Variants in PLB1 observed in about 807,000 individuals in gnomAD.
PLB1 encodes the protein phospholipase B1, also known as phospholipase B1, membrane-associated.
In PLB1, 242 loss-of-function variants were observed where a neutral mutation model predicts 227.4. That is an observed-to-expected ratio of 1.06 (90% CI 0.96 to 1.18). The LOEUF is 1.18. PLB1 is among the 50% of genes most tolerant of loss of function. PLB1 has a pLI of 0.00. For synonymous variants in PLB1, 757 were observed against 682.2 expected (o/e 1.11, Z -1.71); for missense variants, 1,858 against 1,816.3 (o/e 1.02, Z -0.42).
intron 57 of PLB1, among the ~76,000 whole-genome samples, chr2:28,641,292 C>T (rs2148354578): frequency 6.6e-6 from 1 of 152,308 alleles, no homozygotes; most frequent in African/African-American, 2.4e-5. Flanking sequence ...CTTCCGAAAG[C>T]TCTGATGCAT....
chr2:28,511,803 G>C (rs1360391053), intron 1 of PLB1, among the ~76,000 whole-genome samples: 1 of 90,478 alleles, frequency 1.1e-5, no homozygotes, highest in Non-Finnish European at 2.4e-5. Context: ...TTTTTTTTTT[G>C]AGATGGAGTT....
In PLB1 at chr2:28,589,534, G is replaced by T. The variant is rs142077640; in HGVS notation, c.1900G>T (p.Val634Leu). The T allele has an allele frequency of 1.2e-6, 2 of 1,614,072 alleles. No homozygotes were observed. Among genetic ancestry groups the T allele is most frequent in the Non-Finnish European group, 1.7e-6 (2 of 1,180,024 alleles). Residue 634 changes from valine to leucine, a missense_variant, in exon 27 of 58, where the codon GTG (valine) becomes TTG (leucine). Physicochemically the swap from Val to Leu is conservative, Grantham distance 32. Coordinates refer to ENST00000327757, the MANE Select transcript of PLB1 (RefSeq NM_153021.5). ...GGTTGTGCAGCCGTTCTTTGAAAACGTGGACATGCCAAAGACCTCGGTAAA... is the reference window on the plus strand; with the variant it reads ...GGTTGTGCAGCCGTTCTTTGAAAACTTGGACATGCCAAAGACCTCGGTAAA... Reference protein sequence around the residue: ...TVVVQPFFENVDMPKTSEGLP... With the variant: ...TVVVQPFFENLDMPKTSEGLP...
At chr2:28,528,748 C>T (rs553103364) in intron 6 of PLB1, among the ~76,000 whole-genome samples, 1 of 152,242 alleles carries the variant, frequency 6.6e-6, no homozygotes. Context: ...GCGCTTAGGA[C>T]TGGGCCTGGC....
chr2:28,525,232 C>G (rs1276492539), intron 4 of PLB1, 35 bp from the exon 5 acceptor site: 16 of 1,608,058 alleles, frequency 9.9e-6, no homozygotes, highest in Non-Finnish European at 1.4e-5. Flanking sequence ...TGCCACCTCC[C>G]CTGGCTGGGT....
intron 20 of PLB1, among the ~76,000 whole-genome samples, chr2:28,569,182 C>T (rs866157456): frequency 2.0e-5 from 3 of 152,168 alleles, no homozygotes; most frequent in African/African-American, 4.8e-5. Context: ...TTCTTTCTCA[C>T]ATCCTAGCAG....
At chr2:28,580,127 G>C (rs1019883228) in intron 23 of PLB1, among the ~76,000 whole-genome samples, 1 of 152,204 alleles carries the variant, frequency 6.6e-6, no homozygotes, top group African/African-American at 2.4e-5. Context: ...AAGCTTCAGA[G>C]CCAAGTCATT....
At chr2:28,604,898 C>T in intron 41 of PLB1, 139 bp downstream of exon 41, 1 of 744,770 alleles carries the variant, frequency 1.3e-6, no homozygotes, top group Non-Finnish European at 2.2e-6. Context: ...TGCAGGCTCC[C>T]TGAACGCCTG....
intron 32 of PLB1, among the ~76,000 whole-genome samples, chr2:28,593,418 T>G (rs1271097962): frequency 6.6e-6 from 1 of 152,216 alleles, no homozygotes; most frequent in African/African-American, 2.4e-5. Context: ...TTTTTACAAC[T>G]GTAATCCAAT....
chr2:28,553,032 G>T (rs1320088175), intron 17 of PLB1, 41 bp downstream of exon 17: 2 of 1,562,932 alleles, frequency 1.3e-6, no homozygotes, highest in Non-Finnish European at 1.8e-6. Context: ...TTCATTCGAG[G>T]CCTGAAATCA....
At chr2:28,586,397 A>G (rs1207361604) in intron 26 of PLB1, among the ~76,000 whole-genome samples, 1 of 152,196 alleles carries the variant, frequency 6.6e-6, no homozygotes, top group Admixed American at 6.5e-5. Context: ...TGAGTTGTTC[A>G]TTTTAGTCCT....
intron 14 of PLB1, among the ~76,000 whole-genome samples, chr2:28,544,330 C>G (rs2148212890): frequency 6.6e-6 from 1 of 152,360 alleles, no homozygotes; most frequent in African/African-American, 2.4e-5. Flanking sequence ...AGAAGAGGAA[C>G]CTGGCCCCTC....
intron 12 of PLB1, among the ~76,000 whole-genome samples, chr2:28,541,262 C>T (rs944363326): frequency 1.3e-5 from 2 of 152,174 alleles, no homozygotes; most frequent in African/African-American, 4.8e-5. Context: ...GCTCAAAGCA[C>T]GGTTTCTGTT....
intron 14 of PLB1, among the ~76,000 whole-genome samples, chr2:28,547,332 G>A (rs998529423): frequency 6.6e-6 from 1 of 152,052 alleles, no homozygotes; most frequent in Non-Finnish European, 1.5e-5. Flanking sequence ...GTGGGACCTT[G>A]TTTCTAGGAG....
At chr2:28,566,640 G>T in intron 19 of PLB1, 156 bp from the exon 20 acceptor site, 21 of 728,368 alleles carry the variant, frequency 2.9e-5, no homozygotes, top group Non-Finnish European at 4.0e-5. Context: ...ATTCTGGTTT[G>T]CTTTTTCCGT....
chr2:28,633,096 C>G, intron 56 of PLB1, 57 bp downstream of exon 56: 1 of 1,448,190 alleles, frequency 6.9e-7, no homozygotes, highest in Non-Finnish European at 9.7e-7. Context: ...GATATTGACA[C>G]TCTGTCTCAC....
At position 28,566,256 on chromosome 2, in the gene PLB1, G is replaced by GT. The variant is rs397871469; in HGVS notation, c.1281-539dup. On this transcript the variant is annotated intron_variant, in intron 19 of 57. Coordinates refer to ENST00000327757, the MANE Select transcript of PLB1 (RefSeq NM_153021.5). ...CCTTGGCACAGAATGGGGTGGGGGG[G>GT]TGTGGAAAAGCAGGGAATCCAATCC... Among the ~76,000 whole-genome samples, 43 of 151,644 alleles carry GT rather than the reference G, an allele frequency of 2.8e-4. No individual in the cohort carries two copies. In the East Asian group the frequency reaches 7.8e-3, roughly 28 times the overall value.
At chr2:28,613,950 G>A (rs1365817371) in intron 43 of PLB1, 81 bp from the exon 44 acceptor site, 2 of 1,081,044 alleles carry the variant, frequency 1.9e-6, no homozygotes, top group African/African-American at 1.6e-5. Context: ...AATCTACAGG[G>A]CAGGATTGTT....
At chr2:28,522,991 T>G (rs1669725766) in intron 4 of PLB1, among the ~76,000 whole-genome samples, 1 of 152,186 alleles carries the variant, frequency 6.6e-6, no homozygotes, top group Non-Finnish European at 1.5e-5. Flanking sequence ...CTTGAGTGCC[T>G]GGAGCATTCT....
chr2:28,606,821 C>G (rs1214821369), intron 43 of PLB1, among the ~76,000 whole-genome samples: 1 of 152,024 alleles, frequency 6.6e-6, no homozygotes, highest in African/African-American at 2.4e-5. Flanking sequence ...GGGAGAGGAT[C>G]CCGGTGAGAA....
Sources: allele counts gnomAD v4.1 joint callset (sites outside exome capture counted in the v4.1 genomes callset), GRCh38; gene constraint gnomAD v4.1.1; transcripts MANE v1.5; gene names NCBI Gene and HGNC (gene_info 2026-07-23, HGNC 2026-07-21).